Variants in ARSJ observed in about 807,000 individuals in gnomAD.
ARSJ encodes arylsulfatase family member J, also known as arylsulfatase J.
A neutral mutation model predicts 35.9 loss-of-function variants in ARSJ; 26 were observed. That is an observed-to-expected ratio of 0.72 (90% CI 0.53 to 1.00). ARSJ has a LOEUF of 1.00. Ranked by LOEUF, ARSJ falls within the 50% of genes least tolerant of loss-of-function variation. ARSJ has a pLI of 0.00. For missense variants in ARSJ, 667 were observed against 723.6 expected, an observed-to-expected ratio of 0.92 and a Z score of 0.90; for synonymous variants, 294 against 267.6, an observed-to-expected ratio of 1.10 and a Z score of -0.96.
At position 113,978,430 on chromosome 4, in the gene ARSJ, C is replaced by G. The variant is rs1727724137; in HGVS notation, c.398+7G>C. ...AAGGAATAAATATAAGAAGTAGGAA[C>G]ACTTACTTTCCAGTAATAAACTGAC... On this transcript the variant is annotated splice_region_variant and intron_variant, in intron 1 of 1. Coordinates refer to ENST00000315366, the MANE Select transcript of ARSJ (RefSeq NM_024590.4). The G allele has an allele frequency of 6.4e-7, 1 of 1,573,678 alleles. No homozygotes were observed. Among genetic ancestry groups the G allele is most frequent in the Non-Finnish European group, 8.6e-7 (1 of 1,160,876 alleles).
At chr4:113,948,395 A>G (rs1301854840) in intron 1 of ARSJ, among the ~76,000 whole-genome samples, 1 of 152,076 alleles carries the variant, frequency 6.6e-6, no homozygotes, top group Admixed American at 6.6e-5. Context: ...AAACTTTAAA[A>G]TTGTTATTCT....
chr4:113,904,558 C>T (rs2099668153), intron 1 of ARSJ, among the ~76,000 whole-genome samples: 1 of 152,348 alleles, frequency 6.6e-6, no homozygotes, highest in East Asian at 1.9e-4. Context: ...GATCTAGGCT[C>T]ACTGCAAGCT....
At chr4:113,972,298 AAAAAAAAAC>A (rs1299169663) in intron 1 of ARSJ, among the ~76,000 whole-genome samples, 45 of 141,940 alleles carry the variant, frequency 3.2e-4, no homozygotes, top group Admixed American at 9.5e-4. Flanking sequence ...ATCTGGAAAA[AAAAAAAAAC>A]AAAAAAAAAA....
At chr4:113,951,129 C>T (rs948733876) in intron 1 of ARSJ, among the ~76,000 whole-genome samples, 6 of 152,060 alleles carry the variant, frequency 3.9e-5, no homozygotes, top group Non-Finnish European at 5.9e-5. Flanking sequence ...AGTAGTACAG[C>T]TGTCAAAAAT....
chr4:113,950,429 C>T (rs1463846458), intron 1 of ARSJ, among the ~76,000 whole-genome samples: 1 of 151,980 alleles, frequency 6.6e-6, no homozygotes, highest in Non-Finnish European at 1.5e-5. Flanking sequence ...CTGGAGCTGG[C>T]AGTAGGTTTG....
intron 1 of ARSJ, among the ~76,000 whole-genome samples, chr4:113,958,365 T>G (rs1049026001): frequency 4.6e-5 from 7 of 151,994 alleles, no homozygotes; most frequent in African/African-American, 1.7e-4. Context: ...GTTAAAAAAT[T>G]TAAGTGCATT....
At chr4:113,924,767 C>A (rs1723946983) in intron 1 of ARSJ, among the ~76,000 whole-genome samples, 1 of 152,156 alleles carries the variant, frequency 6.6e-6, no homozygotes, top group Non-Finnish European at 1.5e-5. Flanking sequence ...GTTATACATG[C>A]ACAAACATGT....
chr4:113,931,359 AAAG>A (rs1223048495), intron 1 of ARSJ, among the ~76,000 whole-genome samples: 1 of 152,112 alleles, frequency 6.6e-6, no homozygotes, highest in Non-Finnish European at 1.5e-5. Context: ...GATTAAGTGA[AAAG>A]AAGAAGGAGA....
At chr4:113,962,511 A>G (rs1255765131) in intron 1 of ARSJ, among the ~76,000 whole-genome samples, 1 of 149,716 alleles carries the variant, frequency 6.7e-6, no homozygotes, top group Non-Finnish European at 1.5e-5. Flanking sequence ...TAATAGTTGA[A>G]TGAATAAACT....
intron 1 of ARSJ, among the ~76,000 whole-genome samples, chr4:113,906,207 T>C (rs1482104974): frequency 6.6e-6 from 1 of 152,206 alleles, no homozygotes; most frequent in African/African-American, 2.4e-5. Context: ...ACAAAATAAT[T>C]ATGCAGAAAA....
At position 113,902,527 on chromosome 4, in the gene ARSJ, A is replaced by T; in HGVS notation, c.1547T>A (p.Val516Glu). The change falls in exon 2 of 2, where the codon GTG becomes GAG. Residue 516 changes from valine (V) to glutamate (E), a missense_variant. Physicochemically the swap from Val to Glu is moderately radical, Grantham distance 121. Coordinates refer to ENST00000315366, the MANE Select transcript of ARSJ (RefSeq NM_024590.4). ...VDLSNRYPGI[V>E]KKLLRRLSQF... ...TGAGAGCCTCCGTAGGAGCTTCTTC[A>T]CGATTCCTGGATACCTGTTAGATAG... 6.2e-7 allele frequency: 1 copy of T among 1,614,094 alleles called. No individual in the cohort carries two copies. Among genetic ancestry groups the T allele is most frequent in the Non-Finnish European group, 8.5e-7 (1 of 1,179,996 alleles).
intron 1 of ARSJ, among the ~76,000 whole-genome samples, chr4:113,940,216 A>G (rs979527138): frequency 2.6e-5 from 4 of 152,206 alleles, no homozygotes; most frequent in Non-Finnish European, 5.9e-5. Flanking sequence ...ACTATTCACA[A>G]TAGCAAACAC....
At chr4:113,953,461 T>C (rs578066738) in intron 1 of ARSJ, among the ~76,000 whole-genome samples, 1 of 152,248 alleles carries the variant, frequency 6.6e-6, no homozygotes, top group Non-Finnish European at 1.5e-5. Flanking sequence ...AATGAATACT[T>C]TGTAAACATA....
At chr4:113,935,075 T>C (rs998254170) in intron 1 of ARSJ, among the ~76,000 whole-genome samples, 2 of 151,864 alleles carry the variant, frequency 1.3e-5, no homozygotes, top group South Asian at 2.1e-4. Flanking sequence ...TAGCAATGTC[T>C]GGATTTCAAA....
At position 113,929,986 on chromosome 4, in the gene ARSJ, T is replaced by C. The variant is rs527631533; in HGVS notation, c.399-26311A>G. Reference sequence around the variant, plus strand: ...CAGTTCATGTCAAGGGCTATCAGTGTTCTCTATGCTATTAGAAGTAGAGTC... The same window carrying C: ...CAGTTCATGTCAAGGGCTATCAGTGCTCTCTATGCTATTAGAAGTAGAGTC... On this transcript the variant is annotated intron_variant, in intron 1 of 1. Coordinates refer to ENST00000315366, the MANE Select transcript of ARSJ (RefSeq NM_024590.4). 4.6e-5 allele frequency among the ~76,000 whole-genome samples: 7 copies of C among 152,218 alleles called. No homozygotes were observed. The South Asian group carries it at 1.5e-3, about 32-fold the overall frequency.
At chr4:113,926,086 C>T (rs1724040296) in intron 1 of ARSJ, among the ~76,000 whole-genome samples, 1 of 152,118 alleles carries the variant, frequency 6.6e-6, no homozygotes, top group South Asian at 2.1e-4. Context: ...CCATCCTATC[C>T]CTTGATTATT....
intron 1 of ARSJ, among the ~76,000 whole-genome samples, chr4:113,968,837 T>C (rs1727056390): frequency 1.3e-5 from 2 of 152,192 alleles, no homozygotes; most frequent in Admixed American, 6.5e-5. Context: ...GGTCTTATTG[T>C]AGAGGTGGAT....
intron 1 of ARSJ, among the ~76,000 whole-genome samples, chr4:113,951,118 T>C (rs1352940653): frequency 6.6e-6 from 1 of 152,108 alleles, no homozygotes; most frequent in Non-Finnish European, 1.5e-5. Flanking sequence ...ACTTGTTACT[T>C]AGTAGTACAG....
chr4:113,954,989 T>C (rs1322357921), intron 1 of ARSJ, among the ~76,000 whole-genome samples: 1 of 150,198 alleles, frequency 6.7e-6, no homozygotes, highest in Non-Finnish European at 1.5e-5. Context: ...ATTTATTGAC[T>C]TTTCTTTTTC....
Sources: allele counts gnomAD v4.1 joint callset (sites outside exome capture counted in the v4.1 genomes callset), GRCh38; gene constraint gnomAD v4.1.1; transcripts MANE v1.5; gene names NCBI Gene and HGNC (gene_info 2026-07-23, HGNC 2026-07-21).